LRP1B: variants seen among roughly 807,000 people sequenced by gnomAD.
LRP1B encodes the protein low-density lipoprotein receptor-related protein 1B.
A neutral mutation model predicts 556.6 loss-of-function variants in LRP1B; 217 were observed. The observed-to-expected ratio is 0.39, with a 90% CI of 0.35 to 0.44. LRP1B has a LOEUF of 0.44. Among genes scored for constraint, LRP1B ranks in the 20% least tolerant of loss-of-function variants. The probability of loss-of-function intolerance (pLI) is 1.00; values close to 1 mark genes in which losing one functional copy is unlikely to be tolerated. For synonymous variants in LRP1B, 2,047 were observed against 1,865.8 expected, an observed-to-expected ratio of 1.10 and a Z score of -2.50; for missense variants, 5,053 against 5,620.8, an observed-to-expected ratio of 0.90 and a Z score of 3.23.
intron 79 of LRP1B, among the ~76,000 whole-genome samples, chr2:140,333,557 G>A (rs1259071706): frequency 6.6e-6 from 1 of 151,674 alleles, no homozygotes. Flanking sequence ...TGAATGGAAA[G>A]GTATAAAACA....
At chr2:141,940,615 G>A (rs1243072011) in intron 1 of LRP1B, among the ~76,000 whole-genome samples, 8 of 152,218 alleles carry the variant, frequency 5.3e-5, no homozygotes, top group Non-Finnish European at 1.0e-4. Flanking sequence ...AACTAAATCC[G>A]GTTTCCTTAG....
At chr2:140,844,960 G>T (rs1692229943) in intron 29 of LRP1B, among the ~76,000 whole-genome samples, 1 of 152,146 alleles carries the variant, frequency 6.6e-6, no homozygotes, top group Non-Finnish European at 1.5e-5. Context: ...GTGTAAAAGG[G>T]TTCAATCCTT....
intron 3 of LRP1B, among the ~76,000 whole-genome samples, chr2:141,385,576 T>C (rs1689801706): frequency 6.8e-6 from 1 of 147,268 alleles, no homozygotes. Flanking sequence ...AAAATCATGT[T>C]AGTTTATAAA....
chr2:140,740,896 A>G (rs533826353), intron 35 of LRP1B, among the ~76,000 whole-genome samples: 2 of 152,108 alleles, frequency 1.3e-5, no homozygotes, highest in South Asian at 4.2e-4. Context: ...TTTTACCTTA[A>G]TTACATCTCA....
intron 1 of LRP1B, among the ~76,000 whole-genome samples, chr2:141,960,826 C>T (rs753020919): frequency 2.0e-5 from 3 of 149,842 alleles, no homozygotes; most frequent in Non-Finnish European, 4.5e-5. Context: ...ATACAGATTA[C>T]ATAAAACATT....
intron 2 of LRP1B, among the ~76,000 whole-genome samples, chr2:141,685,615 C>T (rs1177519566): frequency 1.3e-5 from 2 of 151,850 alleles, no homozygotes; most frequent in East Asian, 1.9e-4. Flanking sequence ...TCTAGGTGAG[C>T]CCAGTGTAAT....
intron 3 of LRP1B, among the ~76,000 whole-genome samples, chr2:141,265,981 G>C (rs555335392): frequency 1.3e-5 from 2 of 152,134 alleles, no homozygotes; most frequent in African/African-American, 4.8e-5. Context: ...CTCACCAATA[G>C]AACATGAGTG....
intron 43 of LRP1B, among the ~76,000 whole-genome samples, chr2:140,544,645 A>T (rs1280990878): frequency 6.6e-6 from 1 of 152,064 alleles, no homozygotes; most frequent in Non-Finnish European, 1.5e-5. Context: ...TCTACAAAGG[A>T]CAAGATCTTG....
At chr2:142,039,420 C>G (rs1174854961) in intron 1 of LRP1B, among the ~76,000 whole-genome samples, 1 of 151,382 alleles carries the variant, frequency 6.6e-6, no homozygotes, top group Non-Finnish European at 1.5e-5. Flanking sequence ...GGATGTGTCT[C>G]TGTGTGACAG....
intron 3 of LRP1B, among the ~76,000 whole-genome samples, chr2:141,441,828 C>T (rs936121471): frequency 6.6e-6 from 1 of 152,202 alleles, no homozygotes; most frequent in African/African-American, 2.4e-5. Flanking sequence ...ACTGAGACTT[C>T]TTCAGGTAAC....
intron 1 of LRP1B, among the ~76,000 whole-genome samples, chr2:142,051,886 A>G (rs16848022): frequency 0.032 from 4,896 of 152,266 alleles, 124 homozygotes; most frequent in Non-Finnish European, 0.051. Context: ...TATCACAAAC[A>G]TACTGGAAGA....
rs2105426680 is a variant in LRP1B, at chr2:140,701,849, C to T, written c.6303-4G>A. On this transcript the variant is annotated splice_region_variant and splice_polypyrimidine_tract_variant and intron_variant, in intron 39 of 90. Coordinates refer to ENST00000389484, the MANE Select transcript of LRP1B (RefSeq NM_018557.3). Reference sequence around the variant, plus strand: ...GACAGACCCGTTTGCATGTGCTCTGCCAAAAAGTTGAACATACATGATCAA... The same window carrying T: ...GACAGACCCGTTTGCATGTGCTCTGTCAAAAAGTTGAACATACATGATCAA... The T allele has an allele frequency of 1.2e-6, 2 of 1,611,980 alleles. No individual in the cohort carries two copies. Among genetic ancestry groups the T allele is most frequent in the African/African-American group, 2.7e-5 (2 of 74,848 alleles).
In LRP1B at chr2:140,834,960, G is replaced by A. The variant is rs572456417; in HGVS notation, c.5209+5031C>T. On this transcript the variant is annotated intron_variant, in intron 31 of 90. Transcript: ENST00000389484. Reference sequence around the variant, plus strand: ...TAAAATAAGCATATCTGGGAGCAACGTATATTAATATTTTATGTTTCATTT... The same window carrying A: ...TAAAATAAGCATATCTGGGAGCAACATATATTAATATTTTATGTTTCATTT... 1.5e-4 allele frequency among the ~76,000 whole-genome samples: 23 copies of A among 152,118 alleles called. 1 individual carries two copies. Among genetic ancestry groups the A allele is most frequent in the Admixed American group, 9.2e-4 (14 of 15,278 alleles).
intron 41 of LRP1B, among the ~76,000 whole-genome samples, chr2:140,666,992 C>T (rs1685300681): frequency 6.6e-6 from 1 of 152,146 alleles, no homozygotes; most frequent in Admixed American, 6.5e-5. Context: ...ATGCACAGGA[C>T]AGAACATACT....
intron 3 of LRP1B, among the ~76,000 whole-genome samples, chr2:141,334,195 C>T (rs1037899256): frequency 2.6e-5 from 4 of 152,116 alleles, no homozygotes; most frequent in African/African-American, 9.7e-5. Flanking sequence ...ATCTCCTGTC[C>T]AACTGTAATC....
intron 2 of LRP1B, among the ~76,000 whole-genome samples, chr2:141,498,068 G>C (rs1258454441): frequency 1.3e-5 from 2 of 151,952 alleles, no homozygotes; most frequent in Non-Finnish European, 2.9e-5. Flanking sequence ...TTAAAAACTT[G>C]AGTATCTCAG....
At chr2:141,665,190 A>C (rs1408887566) in intron 2 of LRP1B, among the ~76,000 whole-genome samples, 1 of 152,052 alleles carries the variant, frequency 6.6e-6, no homozygotes, top group East Asian at 1.9e-4. Flanking sequence ...TCCTACTGAC[A>C]AAGGTCTAAT....
At chr2:141,464,633 C>T (rs1265859549) in intron 3 of LRP1B, among the ~76,000 whole-genome samples, 2 of 87,850 alleles carry the variant, frequency 2.3e-5, no homozygotes, top group South Asian at 3.0e-4. Flanking sequence ...GGGGTTTCAC[C>T]GTGTTAGCCA....
At chr2:140,502,892 T>C in intron 54 of LRP1B, 71 bp downstream of exon 54, 1 of 1,504,590 alleles carries the variant, frequency 6.6e-7, no homozygotes, top group East Asian at 2.3e-5. Context: ...AATACTATAC[T>C]AGACAGAAAA....
Sources: gnomAD v4.1 joint callset for allele counts (sites outside exome capture counted in the v4.1 genomes callset) on GRCh38, gnomAD v4.1.1 for gene constraint, MANE v1.5 for transcripts, NCBI Gene and HGNC (gene_info 2026-07-23, HGNC 2026-07-21) for gene names.